Variants in NBEAL1 observed in about 807,000 individuals in gnomAD.
The protein encoded by NBEAL1 is neurobeachin like 1.
A neutral mutation model predicts 351.3 loss-of-function variants in NBEAL1; 273 were observed. That is an observed-to-expected ratio of 0.78 (90% confidence interval 0.70 to 0.86). The LOEUF (loss-of-function observed/expected upper bound fraction) is 0.86. Ranked by LOEUF, NBEAL1 falls within the 40% of genes least tolerant of loss-of-function variation. The pLI is 0.00. For missense variants in NBEAL1, 2,961 were observed against 3,201.3 expected (o/e 0.92, Z 1.81); for synonymous variants, 1,050 against 1,086.4 (o/e 0.97, Z 0.66).
rs1317162558 is a variant in NBEAL1 at position 203,202,764 on chromosome 2, T to C, written c.7489T>C (p.Trp2497Arg). ...TTCCAGAGATACTACATGTATGATA[T>C]GGCAAATAACACAACAGGTAGTCAC... is the stretch of plus-strand genomic sequence containing the variant. The part of the protein sequence containing the change: ...SGSRDTTCMI[W>R]QITQQGGVPV... Residue 2497 changes from tryptophan (W) to arginine (R), a missense_variant, in exon 51 of 56, where the codon TGG becomes CGG. By Grantham distance (101) the Trp-to-Arg change is moderately radical. Coordinates refer to ENST00000683969, the MANE Select transcript of NBEAL1 (RefSeq NM_001378026.1). The C allele has an allele frequency of 6.3e-7, 1 of 1,584,572 alleles. No individual in the cohort carries two copies. The highest frequency in any genetic ancestry group is 1.1e-5 in the South Asian group (1 of 90,302).
intron 49 of NBEAL1, 130 bp downstream of exon 49, chr2:203,199,577 C>T (rs1408937949): frequency 5.5e-6 from 3 of 542,208 alleles, no homozygotes; most frequent in Admixed American, 3.5e-5. Context: ...CAGAGTCTTG[C>T]TCTGCGGTGC....
At chr2:203,024,624 G>A (rs930039444) in intron 2 of NBEAL1, among the ~76,000 whole-genome samples, 5 of 151,524 alleles carry the variant, frequency 3.3e-5, no homozygotes, top group African/African-American at 7.3e-5. Context: ...TATTATTGGC[G>A]GCCTGAGGTG....
chr2:203,215,212 C>A (rs1334793875), intron 55 of NBEAL1, among the ~76,000 whole-genome samples: 1 of 151,626 alleles, frequency 6.6e-6, no homozygotes, highest in Non-Finnish European at 1.5e-5. Context: ...AAAAATTAGC[C>A]GGGTGTGGGC....
chr2:203,063,299 T>A (rs1447828650), intron 6 of NBEAL1, among the ~76,000 whole-genome samples: 3 of 150,908 alleles, frequency 2.0e-5, no homozygotes, highest in African/African-American at 7.3e-5. Flanking sequence ...AAAAAAAAAA[T>A]TGGCCAGGTG....
chr2:203,163,163 G>C (rs1316156986), intron 36 of NBEAL1, among the ~76,000 whole-genome samples: 1 of 152,014 alleles, frequency 6.6e-6, no homozygotes, highest in Non-Finnish European at 1.5e-5. Context: ...TCTCAAAAAA[G>C]AAATAAACAG....
intron 2 of NBEAL1, among the ~76,000 whole-genome samples, chr2:203,021,145 C>G (rs2060765504): frequency 6.6e-6 from 1 of 152,042 alleles, no homozygotes; most frequent in African/African-American, 2.4e-5. Context: ...TCAGGCTGGT[C>G]TTGAACTCCT....
intron 18 of NBEAL1, among the ~76,000 whole-genome samples, chr2:203,117,044 G>A (rs1056323270): frequency 3.9e-5 from 6 of 152,124 alleles, no homozygotes; most frequent in African/African-American, 1.4e-4. Context: ...AGAGATTGCA[G>A]TCAGCTGAGA....
At chr2:203,095,492 C>G (rs979341745) in intron 10 of NBEAL1, among the ~76,000 whole-genome samples, 3 of 152,040 alleles carry the variant, frequency 2.0e-5, no homozygotes, top group Admixed American at 1.3e-4. Context: ...CGGGGTTTCC[C>G]CATGTTGAGG....
rs1332315180 is a variant in NBEAL1, at chr2:203,127,858, A to T, written c.3326A>T (p.Tyr1109Phe). 1 of 1,549,166 alleles carries T rather than the reference A, an allele frequency of 6.5e-7. No individual in the cohort carries two copies. Among genetic ancestry groups the T allele is most frequent in the East Asian group, 2.4e-5 (1 of 41,904 alleles). The change falls in exon 24 of 56, where the codon TAT becomes TTT. Residue 1109 changes from tyrosine (Y) to phenylalanine (F), a missense_variant. Tyr to Phe is a conservative substitution (Grantham distance 22). Coordinates refer to ENST00000683969, the MANE Select transcript of NBEAL1 (RefSeq NM_001378026.1). Reference sequence around the variant, plus strand: ...ACTTCTTTGTATGGACTAATTAAATATTTTCTGTGCAAAGGTGGATCTCAT... The same window carrying T: ...ACTTCTTTGTATGGACTAATTAAATTTTTTCTGTGCAAAGGTGGATCTCAT... The part of the protein sequence containing the change: ...IRTSLYGLIK[Y>F]FLCKGGSHEE...
intron 51 of NBEAL1, among the ~76,000 whole-genome samples, chr2:203,204,163 G>A (rs539072716): frequency 4.8e-4 from 72 of 150,072 alleles, no homozygotes; most frequent in African/African-American, 1.4e-3. Context: ...TCTTGACCTC[G>A]TGATCTGCCT....
chr2:203,166,357 A>G (rs2064131728), intron 37 of NBEAL1, 60 bp downstream of exon 37: 3 of 1,445,312 alleles, frequency 2.1e-6, no homozygotes, highest in Non-Finnish European at 2.8e-6. Context: ...TAATTTATCA[A>G]TCATGAATGA....
intron 19 of NBEAL1, among the ~76,000 whole-genome samples, chr2:203,123,477 C>T (rs925622518): frequency 6.6e-6 from 1 of 151,764 alleles, no homozygotes; most frequent in African/African-American, 2.4e-5. Flanking sequence ...GGATTATAGG[C>T]ACCTGCCACC....
At chr2:203,204,749 T>G (rs2065505824) in intron 51 of NBEAL1, among the ~76,000 whole-genome samples, 1 of 152,152 alleles carries the variant, frequency 6.6e-6, no homozygotes, top group South Asian at 2.1e-4. Context: ...AATTATCATG[T>G]TTTTTATTAC....
intron 41 of NBEAL1, among the ~76,000 whole-genome samples, 166 bp from the exon 42 acceptor site, chr2:203,174,981 C>T (rs950552274): frequency 2.6e-5 from 4 of 151,430 alleles, no homozygotes; most frequent in African/African-American, 4.8e-5. Flanking sequence ...AAATTTTTTT[C>T]GTTTTCTAGT....
chr2:203,118,999 T>A (rs2062762757), intron 18 of NBEAL1, among the ~76,000 whole-genome samples: 1 of 151,752 alleles, frequency 6.6e-6, no homozygotes, highest in Non-Finnish European at 1.5e-5. Flanking sequence ...AAGTAAAAAA[T>A]TCTATACTAC....
In NBEAL1 at chr2:203,108,134, A is replaced by G. The variant is rs2106233333; in HGVS notation, c.1895A>G (p.Asp632Gly). The part of the protein sequence containing the change: ...SFSAWFCLDQ[D>G]QLTLGIANKG... ...AGTGCTTGGTTTTGCTTAGACCAGG[A>G]TCAGTTGACTCTTGGCATTGCTAAC... Residue 632 changes from aspartate to glycine, a missense_variant, in exon 14 of 56, where the codon GAT becomes GGT. Physicochemically the swap from Asp to Gly is moderately conservative, Grantham distance 94 (BLOSUM62 -1). Transcript: ENST00000683969. The G allele has an allele frequency of 6.4e-7, 1 of 1,552,164 alleles. No individual in the cohort carries two copies. Among genetic ancestry groups the G allele is most frequent in the Non-Finnish European group, 8.7e-7 (1 of 1,147,084 alleles).
At position 203,224,061 on chromosome 2, in the gene NBEAL1, T is replaced by A. The variant is rs1483957597; in HGVS notation, c.*6707T>A. Among the ~76,000 whole-genome samples, 1 of 152,062 alleles carries A rather than the reference T, an allele frequency of 6.6e-6. No individual in the cohort carries two copies. The highest frequency in any genetic ancestry group is 1.9e-4 in the East Asian group (1 of 5,202). ...TCTTTTGGAATTTTGGAATTTTGAT[T>A]TTCTTAGATGACTTTTTAGCAATTT... On this transcript the variant is annotated 3_prime_UTR_variant, in exon 56 of 56. Coordinates refer to ENST00000683969, the MANE Select transcript of NBEAL1 (RefSeq NM_001378026.1).
rs374244104 is a variant in NBEAL1 at position 203,149,112 on chromosome 2, T to C, written c.5426T>C (p.Leu1809Pro). 2.5e-6 allele frequency: 4 copies of C among 1,607,396 alleles called. No individual in the cohort carries two copies. In the African/African-American group the frequency reaches 4.0e-5, roughly 16 times the overall value. ...ATLRRWKAIQ[L>P]YLTCERGPWA... is the part of the protein sequence containing the mutation. ...CTTAGACGCTGGAAAGCAATACAGC[T>C]CTATCTTACATGTGAAAGGGGACCT... Residue 1809 changes from leucine (L) to proline (P), a missense_variant, in exon 34 of 56, where the codon CTC (leucine) becomes CCC (proline). By Grantham distance (98) the Leu-to-Pro change is moderately conservative. Coordinates refer to ENST00000683969, the MANE Select transcript of NBEAL1 (RefSeq NM_001378026.1).
chr2:203,160,685 C>T (rs1575063877), intron 36 of NBEAL1, among the ~76,000 whole-genome samples: 1 of 152,290 alleles, frequency 6.6e-6, no homozygotes, highest in Non-Finnish European at 1.5e-5. Flanking sequence ...TGATCTCCCT[C>T]TGTTATGGTT....
Sources: gnomAD v4.1 joint callset for allele counts (sites outside exome capture counted in the v4.1 genomes callset) on GRCh38, gnomAD v4.1.1 for gene constraint, MANE v1.5 for transcripts, NCBI Gene and HGNC (gene_info 2026-07-23, HGNC 2026-07-21) for gene names.